TPR: variants seen among roughly 807,000 people sequenced by gnomAD.
The protein encoded by TPR is translocated promoter region, nuclear basket protein.
In TPR, 51 loss-of-function variants were observed where a neutral mutation model predicts 316.1. That is an observed-to-expected ratio of 0.16 (90% CI 0.13 to 0.20). The LOEUF (loss-of-function observed/expected upper bound fraction) is 0.20. Ranked by LOEUF, TPR falls within the 10% of genes least tolerant of loss-of-function variation. The pLI is 1.00. For missense variants in TPR, 2,272 were observed against 2,754.8 expected, an observed-to-expected ratio of 0.82 and a Z score of 3.92; for synonymous variants, 981 against 914.7, an observed-to-expected ratio of 1.07 and a Z score of -1.31.
intron 40 of TPR, 60 bp downstream of exon 40, chr1:186,327,400 G>A: frequency 6.5e-7 from 1 of 1,547,780 alleles, no homozygotes; most frequent in Non-Finnish European, 8.8e-7. Context: ...AGTATCCCAA[G>A]GATTTGAGCA....
chr1:186,335,630 C>T, intron 33 of TPR, 87 bp from the exon 34 acceptor site: 1 of 1,024,976 alleles, frequency 9.8e-7, no homozygotes, highest in Non-Finnish European at 1.4e-6. Context: ...ATGGTCACAT[C>T]AGATTCTACT....
chr1:186,362,931 A>C lies in TPR; in HGVS notation c.602T>G (p.Leu201Trp). The part of the protein sequence containing the change: ...HSQNTWLNTE[L>W]KTKTDELLAL... ...CAGAAGTTCATCAGTTTTGGTTTTC[A>C]ACTCTGTATTCAGCCATGTATTCTG... Residue 201 changes from leucine (L) to tryptophan (W), a missense_variant, in exon 6 of 51, where the codon TTG becomes TGG. By Grantham distance (61) the Leu-to-Trp change is moderately conservative. Transcript: ENST00000367478. The C allele has an allele frequency of 6.2e-7, 1 of 1,611,698 alleles. No homozygotes were observed. The highest frequency in any genetic ancestry group is 8.5e-7 in the Non-Finnish European group (1 of 1,179,092).
chr1:186,331,481 G>C lies in TPR; in HGVS notation c.5688+17C>G. 6.3e-7 allele frequency: 1 copy of C among 1,577,636 alleles called. No individual in the cohort carries two copies. The highest frequency in any genetic ancestry group is 8.7e-7 in the Non-Finnish European group (1 of 1,153,386). ...CGAAAAGCAACGGTGTGGTACTTTA[G>C]GTATGTTTTTACTTACTTCTCCAAT... On this transcript the variant is annotated intron_variant, in intron 39 of 50. Coordinates refer to ENST00000367478, the MANE Select transcript of TPR (RefSeq NM_003292.3).
At chr1:186,332,143 T>C in intron 38 of TPR, 52 bp downstream of exon 38, 1 of 1,547,932 alleles carries the variant, frequency 6.5e-7, no homozygotes, top group Non-Finnish European at 8.7e-7. Flanking sequence ...CTGAAAAGAG[T>C]ACCTTAACTC....
At chr1:186,360,240 A>G (rs1208731165) in intron 11 of TPR, 33 bp downstream of exon 11, 6 of 1,592,890 alleles carry the variant, frequency 3.8e-6, no homozygotes, top group Non-Finnish European at 5.1e-6. Flanking sequence ...TGCTGAAGAA[A>G]AAGAATTTAA....
At chr1:186,347,576 A>G in intron 21 of TPR, 118 bp from the exon 22 acceptor site, 1 of 1,056,258 alleles carries the variant, frequency 9.5e-7, no homozygotes, top group Non-Finnish European at 1.3e-6. Context: ...TAGAAAGTAT[A>G]TTTCAATCCA....
chr1:186,374,063 T>C (rs576417992), intron 1 of TPR, among the ~76,000 whole-genome samples: 3 of 152,334 alleles, frequency 2.0e-5, no homozygotes, highest in Admixed American at 2.0e-4. Context: ...CAAGGTCAAT[T>C]CTGCTTGACA....
chr1:186,340,247 A>C (rs1048800108), intron 29 of TPR, among the ~76,000 whole-genome samples: 1 of 152,194 alleles, frequency 6.6e-6, no homozygotes, highest in Non-Finnish European at 1.5e-5. Context: ...AAGCTCCAAG[A>C]GGTTAAGAAA....
In TPR at chr1:186,314,672, T is replaced by C. The variant is rs774929404; in HGVS notation, c.6993A>G (p.Thr2331=). Residue 2331 remains threonine (T), a synonymous_variant, in exon 50 of 51, where the codon ACA becomes ACG. Transcript: ENST00000367478. ...GACGACCACGGACACCTTGTCTCAA[T>C]GTTGTCTGAAGTCTTACTCGTCTGA... ...KPFRRVRLQT[T]LRQGVRGRQF... 2.5e-6 allele frequency: 4 copies of C among 1,612,954 alleles called. No individual in the cohort carries two copies. Among genetic ancestry groups the C allele is most frequent in the Non-Finnish European group, 3.4e-6 (4 of 1,179,320 alleles).
In TPR at chr1:186,351,969, T is replaced by C; in HGVS notation, c.2469+7A>G. 6.3e-7 allele frequency: 1 copy of C among 1,584,782 alleles called. No homozygotes were observed. The highest frequency in any genetic ancestry group is 8.5e-7 in the Non-Finnish European group (1 of 1,172,042). ...ATTTTTTCTACATAGGCTTTTTATT[T>C]GGTTACCTGAATTGTTTGCAGATTA... On this transcript the variant is annotated splice_region_variant and intron_variant, in intron 19 of 50. Coordinates refer to ENST00000367478, the MANE Select transcript of TPR (RefSeq NM_003292.3).
At position 186,322,309 on chromosome 1, in the gene TPR, T is replaced by A. The variant is rs1213825562; in HGVS notation, c.6461+9A>T. The A allele has an allele frequency of 1.2e-6, 2 of 1,601,950 alleles. No individual in the cohort carries two copies. The highest frequency in any genetic ancestry group is 2.2e-5 in the East Asian group (1 of 44,824). ...AGTTATAAAGTATGTTTCTCTTTCA[T>A]TAACTTACTGAATTGCTTCAGCAAA... On this transcript the variant is annotated intron_variant, in intron 45 of 50. Coordinates refer to ENST00000367478, the MANE Select transcript of TPR (RefSeq NM_003292.3).
chr1:186,360,084 A>G, intron 11 of TPR, 88 bp from the exon 12 acceptor site: 4 of 1,434,242 alleles, frequency 2.8e-6, no homozygotes, highest in Non-Finnish European at 1.9e-6. Flanking sequence ...ATTCTTTAAC[A>G]CTAACACAAA....
In TPR at chr1:186,339,682, A is replaced by C. The variant is rs750482325; in HGVS notation, c.4111T>G (p.Leu1371Val). Reference sequence around the variant, plus strand: ...TTAAGTCTACCAATTTCTTCTGTCAATTGTTGAATACGCTTAGTATGAACT... The same window carrying C: ...TTAAGTCTACCAATTTCTTCTGTCACTTGTTGAATACGCTTAGTATGAACT... The part of the protein sequence containing the change: ...KEVHTKRIQQ[L>V]TEEIGRLKAE... Residue 1371 changes from leucine (L) to valine (V), a missense_variant, in exon 30 of 51, where the codon TTG (leucine) becomes GTG (valine). Around this residue, in one of 10 missense-constraint regions of TPR, gnomAD observed 96 missense variants for 134.6 expected, o/e 0.71. Coordinates refer to ENST00000367478, the MANE Select transcript of TPR (RefSeq NM_003292.3). 8 of 1,593,158 alleles carry C rather than the reference A, an allele frequency of 5.0e-6. No homozygotes were observed. In the South Asian group the frequency reaches 8.0e-5, roughly 16 times the overall value.
intron 29 of TPR, among the ~76,000 whole-genome samples, 186 bp downstream of exon 29, chr1:186,340,842 T>C (rs1000902520): frequency 2.6e-5 from 4 of 152,144 alleles, no homozygotes; most frequent in Non-Finnish European, 4.4e-5. Context: ...ATAACCAAAA[T>C]TTTTTATAAA....
At chr1:186,339,044 G>A (rs1440418549) in intron 30 of TPR, among the ~76,000 whole-genome samples, 3 of 152,096 alleles carry the variant, frequency 2.0e-5, no homozygotes, top group African/African-American at 7.2e-5. Flanking sequence ...CTTACAAAAG[G>A]TAAACCAGAA....
At chr1:186,355,856 C>A in intron 15 of TPR, 88 bp from the exon 16 acceptor site, 1 of 1,438,418 alleles carries the variant, frequency 7.0e-7, no homozygotes, top group South Asian at 1.3e-5. Context: ...ACACTATTAT[C>A]AAATAAACAA....
rs1390443102 is a variant in TPR, at chr1:186,313,368, T to A, written c.*603A>T. 2.9e-6 allele frequency: 1 copy of A among 341,934 alleles called. No individual in the cohort carries two copies. The highest frequency in any genetic ancestry group is 4.5e-5 in the Admixed American group (1 of 22,146). 21.2% of individuals were successfully genotyped at this position (341,934 alleles called of 1,614,324 possible). Reference sequence around the variant, plus strand: ...TTTCATAATATGAATGACATTGGCATGTATTTTTTAAAAGGAATAACCCCA... The same window carrying A: ...TTTCATAATATGAATGACATTGGCAAGTATTTTTTAAAAGGAATAACCCCA... On this transcript the variant is annotated 3_prime_UTR_variant, in exon 51 of 51. Transcript: ENST00000367478.
intron 12 of TPR, 123 bp downstream of exon 12, chr1:186,359,676 A>C: frequency 1.0e-6 from 1 of 977,902 alleles, no homozygotes; most frequent in Non-Finnish European, 1.5e-6. Flanking sequence ...AAGTTTCAAA[A>C]TGTGTTTATT....
At chr1:186,319,597 A>C (rs1334701918) in intron 46 of TPR, among the ~76,000 whole-genome samples, 1 of 152,226 alleles carries the variant, frequency 6.6e-6, no homozygotes, top group African/African-American at 2.4e-5. Flanking sequence ...AGAGGCCTTC[A>C]GTGTTAGAAC....
Sources: allele counts gnomAD v4.1 joint callset (sites outside exome capture counted in the v4.1 genomes callset), GRCh38; gene constraint gnomAD v4.1.1; regional missense constraint gnomAD v4.1.1; transcripts MANE v1.5; gene names NCBI Gene and HGNC (gene_info 2026-07-23, HGNC 2026-07-21).